Variants in FURIN observed in about 807,000 individuals in gnomAD.
FURIN encodes the protein FES upstream region.
FURIN carries 18 observed loss-of-function variants against 89.2 expected under a neutral mutation model. The observed-to-expected ratio is 0.20, with a 90% CI of 0.14 to 0.30. The LOEUF is 0.30. Ranked by LOEUF, FURIN falls within the 10% of genes least tolerant of loss-of-function variation. The pLI, the probability that FURIN is intolerant of heterozygous loss-of-function variation, is 1.00. For synonymous variants in FURIN, 508 were observed against 466.4 expected, an observed-to-expected ratio of 1.09 and a Z score of -1.15; for missense variants, 879 against 1,100.5, an observed-to-expected ratio of 0.80 and a Z score of 2.85.
chr15:90,877,222 GC>G lies in FURIN; in HGVS notation c.578+12del. On this transcript the variant is annotated intron_variant, in intron 6 of 15. Coordinates refer to ENST00000268171, the MANE Select transcript of FURIN (RefSeq NM_002569.4). ...GATGAATGACAACAGGTAAGAAGTG[GC>G]AGGCCCCGGTCTCTGCCTCCCTTCT... The G allele has an allele frequency of 6.3e-7, 1 of 1,589,472 alleles. No individual in the cohort carries two copies. Among genetic ancestry groups the G allele is most frequent in the Non-Finnish European group, 8.6e-7 (1 of 1,165,036 alleles).
At position 90,881,290 on chromosome 15, in the gene FURIN, C is replaced by T. The variant is rs141696179; in HGVS notation, c.1797C>T (p.Cys599=). ...TLTSSQACVV[C]EEGFSLHQKS... ...CCCTCTCTCCCACGCCGGCAGTGTGCGAGGAAGGCTTCTCCCTGCACCAGA... is the reference window on the plus strand; with the variant it reads ...CCCTCTCTCCCACGCCGGCAGTGTGTGAGGAAGGCTTCTCCCTGCACCAGA... The change falls in exon 16 of 16, where the codon TGC becomes TGT. Residue 599 remains cysteine, a synonymous_variant. Transcript: ENST00000268171. This position sits in a 1 kb window ranked among gnomAD's most constrained non-coding sequence, Gnocchi z 4.3. 5.9e-5 allele frequency: 94 copies of T among 1,593,780 alleles called. No individual in the cohort carries two copies. The African/African-American group carries it at 1.0e-3, about 17-fold the overall frequency.
chr15:90,879,554 T>G lies in FURIN; in HGVS notation c.1154+10T>G, dbSNP rs768678972. On this transcript the variant is annotated intron_variant, in intron 10 of 15. Transcript: ENST00000268171. ...TCACCCTGGAGGCCAAGTAAGTGGG[T>G]GGGGGCCAGCGGCAACCCTGTCCCT... is the stretch of plus-strand genomic sequence containing the variant. 3.1e-6 allele frequency: 5 copies of G among 1,599,516 alleles called. No homozygotes were observed. Among genetic ancestry groups the G allele is most frequent in the Non-Finnish European group, 4.3e-6 (5 of 1,167,256 alleles).
intron 1 of FURIN, among the ~76,000 whole-genome samples, chr15:90,872,669 T>C (rs1332201802): frequency 6.6e-6 from 1 of 152,178 alleles, no homozygotes; most frequent in East Asian, 1.9e-4. Flanking sequence ...CCAAGGAAAC[T>C]GAGGCCCAGG....
At chr15:90,869,995 T>C (rs1032735389) in intron 1 of FURIN, among the ~76,000 whole-genome samples, 5 of 152,206 alleles carry the variant, frequency 3.3e-5, no homozygotes, top group Non-Finnish European at 5.9e-5. Flanking sequence ...CTACAAGTCT[T>C]AGTTCCTTGG....
Position 90,881,360 on chromosome 15 carries a change from C to T in FURIN, c.1867C>T (p.Leu623Phe). Residue 623 changes from leucine to phenylalanine, a missense_variant, in exon 16 of 16, where the codon CTC (leucine) becomes TTC (phenylalanine). Transcript: ENST00000268171. The surrounding 1 kb of genome is among the most constrained non-coding windows in gnomAD (Gnocchi z 4.3). The part of the protein sequence containing the change: ...HCPPGFAPQV[L>F]DTHYSTENDV... ...CCCTCCAGGGTTCGCCCCCCAAGTCCTCGATACGCACTATAGCACCGAGAA... is the reference window on the plus strand; with the variant it reads ...CCCTCCAGGGTTCGCCCCCCAAGTCTTCGATACGCACTATAGCACCGAGAA... 1.2e-6 allele frequency: 2 copies of T among 1,613,076 alleles called. No individual in the cohort carries two copies. Among genetic ancestry groups the T allele is most frequent in the Non-Finnish European group, 1.7e-6 (2 of 1,179,902 alleles).
chr15:90,877,675 C>A, intron 7 of FURIN, 60 bp downstream of exon 7: 1 of 1,203,542 alleles, frequency 8.3e-7, no homozygotes, highest in Non-Finnish European at 1.2e-6. Context: ...ATTTTTCCCG[C>A]CCACTTCCCA....
chr15:90,877,642 C>T, intron 7 of FURIN, 27 bp downstream of exon 7: 1 of 1,459,450 alleles, frequency 6.9e-7, no homozygotes. Context: ...GCCACCCTGT[C>T]TTCAGGAGGG....
chr15:90,881,036 TGTGGGTCAGTA>T lies in FURIN; in HGVS notation c.1792+3_1792+13del. Reference sequence around the variant, plus strand: ...AGACCCTCACGTCCAGTCAGGCCTGTGTGGGTCAGTAGTGGGTGCTGTTGGGCTTTGGGGGC... The same window carrying T: ...AGACCCTCACGTCCAGTCAGGCCTGTGTGGGTGCTGTTGGGCTTTGGGGGC... On this transcript the variant is annotated splice_donor_variant and splice_donor_5th_base_variant and coding_sequence_variant and intron_variant, in exon 15 of 16. Transcript: ENST00000268171. LOFTEE classifies it high-confidence loss of function. This position sits in a 1 kb window ranked among gnomAD's most constrained non-coding sequence, Gnocchi z 4.3. 6.2e-7 allele frequency: 1 copy of T among 1,609,298 alleles called. No individual in the cohort carries two copies. Among genetic ancestry groups the T allele is most frequent in the South Asian group, 1.1e-5 (1 of 90,984 alleles).
chr15:90,872,785 T>C (rs1285355170), intron 1 of FURIN: 1 of 152,160 alleles, frequency 6.6e-6, no homozygotes, highest in Non-Finnish European at 1.5e-5. Context: ...CCGCGTGGTG[T>C]CTCTGCTAGA....
chr15:90,876,688 C>T lies in FURIN; in HGVS notation c.372+131C>T. The T allele has an allele frequency of 2.5e-6, 2 of 811,446 alleles. No individual in the cohort carries two copies. The highest frequency in any genetic ancestry group is 1.6e-5 in the South Asian group (1 of 63,932). 50.3% of individuals were successfully genotyped at this position (811,446 alleles called of 1,614,324 possible). A position where few individuals can be genotyped will look rare whatever the true frequency, so the allele number is the denominator to read the frequency against. ...TTCCTTTCCTCCTGCTGGGCAGTCT[C>T]TCCTTGGCCCATCCTAATAAGCAAG... On this transcript the variant is annotated intron_variant, in intron 4 of 15. Transcript: ENST00000268171. This position sits in a 1 kb window ranked among gnomAD's most constrained non-coding sequence, Gnocchi z 5.0.
chr15:90,880,590 T>G, intron 13 of FURIN, 101 bp from the exon 14 acceptor site: 1 of 1,331,884 alleles, frequency 7.5e-7, no homozygotes, highest in Non-Finnish European at 1.0e-6. Flanking sequence ...ATGGGGTTGG[T>G]CTGCGTGGGG....
At position 90,876,043 on chromosome 15, in the gene FURIN, T is replaced by C. The variant is rs1054210825; in HGVS notation, c.177+126T>C. 1.5e-5 allele frequency: 13 copies of C among 867,380 alleles called. No homozygotes were observed. The highest frequency in any genetic ancestry group is 2.3e-5 in the Non-Finnish European group (13 of 566,770). The allele number at this position is 867,380 out of a possible 1,614,324, so 53.7% of individuals were successfully genotyped here. A position where few individuals can be genotyped will look rare whatever the true frequency, so the allele number is the denominator to read the frequency against. On this transcript the variant is annotated intron_variant, in intron 2 of 15. Transcript: ENST00000268171. The surrounding 1 kb of genome is among the most constrained non-coding windows in gnomAD (Gnocchi z 5.0). ...GTAGCCGGCATGTTCTGGGTGGCCA[T>C]GAGCAAAGCACAGGTGGTTCAGGCA...
rs1596080034 is a variant in FURIN, at chr15:90,881,568, C to T, written c.2075C>T (p.Pro692Leu). 8 of 1,611,970 alleles carry T rather than the reference C, an allele frequency of 5.0e-6. No individual in the cohort carries two copies. The East Asian group carries it at 1.8e-4, about 36-fold the overall frequency. The change falls in exon 16 of 16, where the codon CCT becomes CTT. Residue 692 changes from proline (P) to leucine (L), a missense_variant. By Grantham distance (98) the Pro-to-Leu change is moderately conservative. Around this residue, in one of 5 missense-constraint regions of FURIN, gnomAD observed 457 missense variants for 490.7 expected, o/e 0.93. Coordinates refer to ENST00000268171, the MANE Select transcript of FURIN (RefSeq NM_002569.4). This position sits in a 1 kb window ranked among gnomAD's most constrained non-coding sequence, Gnocchi z 4.3. ...GAGTCCCCGCCACAGCAGCAGCCAC[C>T]TCGGCTGCCCCCGGAGGTGGAGGCG... The part of the protein sequence containing the change: ...SRESPPQQQP[P>L]RLPPEVEAGQ...
Position 90,876,121 on chromosome 15 carries a change from TC to T in FURIN, c.178-131del. 1.3e-6 allele frequency: 1 copy of T among 794,618 alleles called. No individual in the cohort carries two copies. Among genetic ancestry groups the T allele is most frequent in the African/African-American group, 1.7e-5 (1 of 59,594 alleles). The allele number at this position is 794,618 out of a possible 1,614,324, so 49.2% of individuals were successfully genotyped here. Reference sequence around the variant, plus strand: ...CTCATGGTCCCCGCATTTTGCTGGGTCCCGGACAGGGAGCAGATGCCCCGCA... The same window carrying T: ...CTCATGGTCCCCGCATTTTGCTGGGTCCGGACAGGGAGCAGATGCCCCGCA... On this transcript the variant is annotated intron_variant, in intron 2 of 15. Transcript: ENST00000268171. The surrounding 1 kb of genome is among the most constrained non-coding windows in gnomAD (Gnocchi z 5.0).
intron 9 of FURIN, 92 bp from the exon 10 acceptor site, chr15:90,879,352 C>T (rs1000794808): frequency 1.1e-6 from 1 of 946,446 alleles, no homozygotes; most frequent in South Asian, 1.4e-5. Flanking sequence ...ATCTGTGGTG[C>T]CCAGGGCCTG....
At chr15:90,877,450 C>G in intron 6 of FURIN, 77 bp from the exon 7 acceptor site, 4 of 1,181,238 alleles carry the variant, frequency 3.4e-6, no homozygotes, top group Non-Finnish European at 3.6e-6. Context: ...GCGGATCCCT[C>G]GTGCTCCTCA....
rs771760622 is a variant in FURIN at position 90,879,950 on chromosome 15, C to T, written c.1342C>T (p.Arg448Trp). The T allele has an allele frequency of 9.9e-6, 16 of 1,612,988 alleles. No homozygotes were observed. Among genetic ancestry groups the T allele is most frequent in the East Asian group, 6.7e-5 (3 of 44,880 alleles). Residue 448 changes from arginine (R) to tryptophan (W), a missense_variant, in exon 12 of 16, where the codon CGG becomes TGG. Arg to Trp is a moderately radical substitution (Grantham distance 101). Transcript: ENST00000268171. Reference sequence around the variant, plus strand: ...GAATTGGACCACAGTGGCCCCCCAGCGGAAGTGCATCATCGACATCCTCAC... The same window carrying T: ...GAATTGGACCACAGTGGCCCCCCAGTGGAAGTGCATCATCGACATCCTCAC... ...AQNWTTVAPQ[R>W]KCIIDILTEP...
chr15:90,871,270 G>T (rs1415715458), intron 1 of FURIN, among the ~76,000 whole-genome samples: 3 of 152,156 alleles, frequency 2.0e-5, no homozygotes, highest in Non-Finnish European at 4.4e-5. Flanking sequence ...CTTTGGTTCC[G>T]AGTTCGGGTC....
At chr15:90,878,040 TG>T in intron 7 of FURIN, 91 bp from the exon 8 acceptor site, 2 of 1,249,974 alleles carry the variant, frequency 1.6e-6, no homozygotes, top group Non-Finnish European at 1.2e-6. Flanking sequence ...ACTCATCCCC[TG>T]GGGTGCAGGG....
Sources: gnomAD v4.1 joint callset for allele counts (sites outside exome capture counted in the v4.1 genomes callset) on GRCh38, gnomAD v4.1.1 for gene constraint, gnomAD v4.1.1 regional missense constraint, Gnocchi (gnomAD v3.1) non-coding constraint, MANE v1.5 for transcripts, NCBI Gene and HGNC (gene_info 2026-07-23, HGNC 2026-07-21) for gene names.